SCUBE2: variants seen among roughly 807,000 people sequenced by gnomAD.
SCUBE2 encodes signal peptide, CUB and EGF-like domain-containing protein 2.
A neutral mutation model predicts 125.9 loss-of-function variants in SCUBE2; 114 were observed. The ratio of observed to expected loss-of-function variants is 0.91; its 90% CI spans 0.78 to 1.06. The LOEUF is 1.06. SCUBE2 is among the 50% of genes least tolerant of loss of function. The pLI, the probability that SCUBE2 is intolerant of heterozygous loss-of-function variation, is 0.00. For synonymous variants in SCUBE2, 459 were observed against 492.9 expected (o/e 0.93, Z 0.91); for missense variants, 1,255 against 1,301.8 (o/e 0.96, Z 0.55).
intron 1 of SCUBE2, among the ~76,000 whole-genome samples, chr11:9,090,544 C>T (rs1564860140): frequency 6.7e-6 from 1 of 149,574 alleles, no homozygotes; most frequent in East Asian, 2.0e-4. Context: ...TATGTGTGGC[C>T]CAATTCTTCT....
At position 9,054,699 on chromosome 11, in the gene SCUBE2, G is replaced by GTATATATATATATATATATATA. The variant is rs1491160291; in HGVS notation, c.1208-941_1208-940insTATATATATATATATATATATA. ...GATAACTGTCAGTAGCAAAGCACTA[G>GTATATATATATATATATATATA]TGTATATATATATATATATATATAT... is the stretch of plus-strand genomic sequence containing the variant. On this transcript the variant is annotated intron_variant, in intron 10 of 22. Coordinates refer to ENST00000649792, the MANE Select transcript of SCUBE2 (RefSeq NM_001367977.2). Among the ~76,000 whole-genome samples the GTATATATATATATATATATATA allele has an allele frequency of 7.6e-4, 34 of 44,704 alleles. 10 individuals carry two copies. Among genetic ancestry groups the GTATATATATATATATATATATA allele is most frequent in the African/African-American group, 9.9e-4 (10 of 10,122 alleles). 29.3% of individuals were successfully genotyped at this position (44,704 alleles called of 152,430 possible). A position where few individuals can be genotyped will look rare whatever the true frequency, so the allele number is the denominator to read the frequency against.
chr11:9,027,520 T>C lies in SCUBE2; in HGVS notation c.2545A>G (p.Ile849Val). The change falls in exon 20 of 23, where the codon ATT (isoleucine) becomes GTT (valine). Residue 849 changes from isoleucine to valine, a missense_variant. Transcript: ENST00000649792. ...TTGCCTGGGTAGTTTGGGGATTCAA[T>C]GTACCCAGTGAAATCTCCCAGCTCC... ...GGELGDFTGY[I>V]ESPNYPGNYP... 6.2e-7 allele frequency: 1 copy of C among 1,614,018 alleles called. No individual in the cohort carries two copies. Among genetic ancestry groups the C allele is most frequent in the East Asian group, 2.2e-5 (1 of 44,854 alleles).
At chr11:9,028,144 T>C (rs1454373819) in intron 19 of SCUBE2, among the ~76,000 whole-genome samples, 1 of 152,150 alleles carries the variant, frequency 6.6e-6, no homozygotes, top group African/African-American at 2.4e-5. Context: ...CTTCACCTCC[T>C]GGGCTCAAGC....
At chr11:9,078,792 C>A (rs2135893352) in intron 3 of SCUBE2, among the ~76,000 whole-genome samples, 1 of 152,360 alleles carries the variant, frequency 6.6e-6, no homozygotes, top group Non-Finnish European at 1.5e-5. Flanking sequence ...CAACCCCATG[C>A]AGCTGCTAGC....
chr11:9,074,661 T>A, intron 3 of SCUBE2, 46 bp from the exon 4 acceptor site: 1 of 1,610,072 alleles, frequency 6.2e-7, no homozygotes, highest in Middle Eastern at 1.7e-4. Flanking sequence ...ACTGTTTCAA[T>A]GCCCCACCTC....
At chr11:9,058,681 G>A (rs906028172) in intron 9 of SCUBE2, among the ~76,000 whole-genome samples, 4 of 149,858 alleles carry the variant, frequency 2.7e-5, no homozygotes, top group South Asian at 2.1e-4. Flanking sequence ...CCAGCTACTC[G>A]GGAGGCTGAG....
In SCUBE2 at chr11:9,066,798, C is replaced by A; in HGVS notation, c.659G>T (p.Gly220Val). 1 of 1,614,048 alleles carries A rather than the reference C, an allele frequency of 6.2e-7. No homozygotes were observed. Among genetic ancestry groups the A allele is most frequent in the Non-Finnish European group, 8.5e-7 (1 of 1,179,942 alleles). Residue 220 changes from glycine (G) to valine (V), a missense_variant, in exon 6 of 23, where the codon GGG becomes GTG. Around this residue, in one of 3 missense-constraint regions of SCUBE2, gnomAD observed 362 missense variants for 323.0 expected, o/e 1.12. Transcript: ENST00000649792. ...ACAGGAGTGCTGGCACCCACCGTTC[C>A]CATGGTTACAGGTCACTGACAGCAA... ...QRDCILTCNH[G>V]NGGCQHSCDD...
At position 9,055,888 on chromosome 11, in the gene SCUBE2, T is replaced by A; in HGVS notation, c.1112A>T (p.Asp371Val). Residue 371 changes from aspartate to valine, a missense_variant, in exon 10 of 23, where the codon GAT becomes GTT. Coordinates refer to ENST00000649792, the MANE Select transcript of SCUBE2 (RefSeq NM_001367977.2). ...GATGCAGCTGTGGTCACAGGTCCTA[T>A]CCAAAGAGCACTCATCCACATCTGT... Reference protein sequence around the residue: ...SCQDVDECSLDRTCDHSCINH... With the variant: ...SCQDVDECSLVRTCDHSCINH... 1.2e-6 allele frequency: 2 copies of A among 1,613,960 alleles called. No individual in the cohort carries two copies. Among genetic ancestry groups the A allele is most frequent in the Non-Finnish European group, 1.7e-6 (2 of 1,179,986 alleles).
At chr11:9,044,961 G>A (rs984013885) in intron 16 of SCUBE2, among the ~76,000 whole-genome samples, 1 of 152,156 alleles carries the variant, frequency 6.6e-6, no homozygotes, top group African/African-American at 2.4e-5. Context: ...ACCTTGGCCT[G>A]GCACTTTCCA....
rs1174209762 is a variant in SCUBE2, at chr11:9,070,865, T to C, written c.518-1370A>G. ...AGTCTCTCTTAAAACCCTCTTGCTC[T>C]TTTGCCTGACAGTTATGAGCTGCCT... On this transcript the variant is annotated intron_variant, in intron 4 of 22. Coordinates refer to ENST00000649792, the MANE Select transcript of SCUBE2 (RefSeq NM_001367977.2). Among the ~76,000 whole-genome samples, 7 of 152,356 alleles carry C rather than the reference T, an allele frequency of 4.6e-5. No individual in the cohort carries two copies. The East Asian group carries it at 1.3e-3, about 29-fold the overall frequency.
intron 4 of SCUBE2, 79 bp from the exon 5 acceptor site, chr11:9,069,574 G>C: frequency 1.3e-6 from 2 of 1,579,638 alleles, no homozygotes; most frequent in Non-Finnish European, 1.7e-6. Context: ...AAGGGCTAAG[G>C]GGTGGCCCAC....
In SCUBE2 at chr11:9,091,490, C is replaced by T; in HGVS notation, c.39G>A (p.Trp13Ter). The T allele has an allele frequency of 2.6e-6, 3 of 1,154,168 alleles. No homozygotes were observed. The highest frequency in any genetic ancestry group is 3.3e-6 in the Non-Finnish European group (3 of 898,706). The allele number at this position is 1,154,168 out of a possible 1,614,324, so 71.5% of individuals were successfully genotyped here. Residue 13 changes from tryptophan to a stop codon, truncating the protein, a stop_gained, in exon 1 of 23, where the codon TGG becomes TGA. Transcript: ENST00000649792. LOFTEE classifies it high-confidence loss of function. The surrounding 1 kb of genome is among the most constrained non-coding windows in gnomAD (Gnocchi z 8.5). ...GCAGCAGCAGCAGCAGCAGCACCGCCCAGGCCGCCCCGGGACGGTTGCGGC... is the reference window on the plus strand; with the variant it reads ...GCAGCAGCAGCAGCAGCAGCACCGCTCAGGCCGCCCCGGGACGGTTGCGGC... ...VAGRNRPGAA[W>*]AVLLLLLLLP...
At chr11:9,038,368 TG>T (rs745875917) in intron 16 of SCUBE2, among the ~76,000 whole-genome samples, 10 of 152,160 alleles carry the variant, frequency 6.6e-5, no homozygotes, top group Non-Finnish European at 1.0e-4. Flanking sequence ...GGCTGGGTGC[TG>T]TGGCTCACAC....
At chr11:9,056,344 A>G (rs1459713886) in intron 9 of SCUBE2, among the ~76,000 whole-genome samples, 1 of 152,220 alleles carries the variant, frequency 6.6e-6, no homozygotes, top group African/African-American at 2.4e-5. Context: ...AGGAGAAAAC[A>G]CTTGGTTTGG....
At chr11:9,040,473 G>A (rs1242352842) in intron 16 of SCUBE2, among the ~76,000 whole-genome samples, 1 of 151,196 alleles carries the variant, frequency 6.6e-6, no homozygotes, top group African/African-American at 2.4e-5. Context: ...TCATATCCCA[G>A]GCAGGATGGG....
chr11:9,034,335 G>A (rs1856580609), intron 16 of SCUBE2, among the ~76,000 whole-genome samples: 1 of 152,166 alleles, frequency 6.6e-6, no homozygotes, highest in Non-Finnish European at 1.5e-5. Flanking sequence ...ATTAAATCAG[G>A]AGGAGAGGAA....
intron 3 of SCUBE2, 38 bp from the exon 4 acceptor site, chr11:9,074,653 T>A: frequency 1.2e-6 from 2 of 1,612,396 alleles, no homozygotes; most frequent in Non-Finnish European, 1.7e-6. Context: ...CTTTGGTGAC[T>A]GTTTCAATGC....
Position 9,027,498 on chromosome 11 carries a change from C to T in SCUBE2, c.2567G>A (p.Gly856Asp), listed in dbSNP as rs1393486182. ...TGYIESPNYP[G>D]NYPANTECTW... The stretch of plus-strand genomic sequence containing the variant: ...ACACTCGGTGTTGGCTGGGTAATTG[C>T]CTGGGTAGTTTGGGGATTCAATGTA... The change falls in exon 20 of 23, where the codon GGC (glycine) becomes GAC (aspartate). Residue 856 changes from glycine to aspartate, a missense_variant. Transcript: ENST00000649792. 14 of 1,613,954 alleles carry T rather than the reference C, an allele frequency of 8.7e-6. No homozygotes were observed. The East Asian group carries it at 1.1e-4, about 13-fold the overall frequency.
chr11:9,081,561 T>G (rs1295183014), intron 2 of SCUBE2, among the ~76,000 whole-genome samples: 1 of 152,144 alleles, frequency 6.6e-6, no homozygotes, highest in Non-Finnish European at 1.5e-5. Context: ...ATATCATGCC[T>G]GTAATCTCAG....
Sources: gnomAD v4.1 joint callset for allele counts (sites outside exome capture counted in the v4.1 genomes callset) on GRCh38, gnomAD v4.1.1 for gene constraint, gnomAD v4.1.1 regional missense constraint, Gnocchi (gnomAD v3.1) non-coding constraint, MANE v1.5 for transcripts, NCBI Gene and HGNC (gene_info 2026-07-23, HGNC 2026-07-21) for gene names.